INPP4B: variants seen among roughly 807,000 people sequenced by gnomAD.
INPP4B encodes inositol polyphosphate-4-phosphatase type II B.
In INPP4B, 55 loss-of-function variants were observed where a neutral mutation model predicts 122.5. The observed-to-expected ratio is 0.45, with a 90% CI of 0.36 to 0.56. INPP4B has a LOEUF of 0.56. Ranked by LOEUF, INPP4B falls within the 20% of genes least tolerant of loss-of-function variation. The pLI is 0.00. For synonymous variants in INPP4B, 403 were observed against 388.7 expected, an observed-to-expected ratio of 1.04 and a Z score of -0.43; for missense variants, 1,000 against 1,097.7, an observed-to-expected ratio of 0.91 and a Z score of 1.26.
At chr4:142,801,233 G>A (rs1422051303) in intron 1 of INPP4B, among the ~76,000 whole-genome samples, 1 of 152,176 alleles carries the variant, frequency 6.6e-6, no homozygotes, top group African/African-American at 2.4e-5. Flanking sequence ...AGTTCAGACA[G>A]TAGAACAGGG....
rs1239467286 is a variant in INPP4B, at chr4:142,260,517, T to G, written c.663A>C (p.Lys221Asn). 5.0e-6 allele frequency: 8 copies of G among 1,608,450 alleles called. No homozygotes were observed. Among genetic ancestry groups the G allele is most frequent in the Non-Finnish European group, 6.0e-6 (7 of 1,175,810 alleles). ...ECTAPESVSG[K>N]DNLPFLNSVL... The stretch of plus-strand genomic sequence containing the variant: ...CTGAATTCAAAAAAGGTAAGTTATC[T>G]TTTCCGCTCACACTTTCCGGGGCTG... Residue 221 changes from lysine to asparagine, a missense_variant, in exon 11 of 26, where the codon AAA becomes AAC. By Grantham distance (94) the Lys-to-Asn change is moderately conservative. Transcript: ENST00000262992.
At chr4:142,689,838 A>G (rs1170458123) in intron 2 of INPP4B, among the ~76,000 whole-genome samples, 1 of 152,204 alleles carries the variant, frequency 6.6e-6, no homozygotes, top group Non-Finnish European at 1.5e-5. Flanking sequence ...CTTTTTTAAA[A>G]TGAGATTTAT....
At chr4:142,819,870 T>C (rs1265700919) in intron 1 of INPP4B, among the ~76,000 whole-genome samples, 1 of 152,044 alleles carries the variant, frequency 6.6e-6, no homozygotes, top group Admixed American at 6.6e-5. Context: ...ACGTGGCTTA[T>C]GGTGTGTTTC....
intron 2 of INPP4B, among the ~76,000 whole-genome samples, chr4:142,580,407 T>C (rs1734822793): frequency 6.6e-6 from 1 of 152,026 alleles, no homozygotes; most frequent in Admixed American, 6.6e-5. Flanking sequence ...TCTCTCTTTA[T>C]GTTACTTCCT....
At chr4:142,700,624 C>T (rs757344338) in intron 2 of INPP4B, among the ~76,000 whole-genome samples, 35 of 152,064 alleles carry the variant, frequency 2.3e-4, no homozygotes, top group Non-Finnish European at 4.1e-4. Context: ...AGTCATTGTA[C>T]ACTTGCCCAA....
chr4:142,248,482 T>G (rs1349257978), intron 11 of INPP4B, among the ~76,000 whole-genome samples: 1 of 151,552 alleles, frequency 6.6e-6, no homozygotes. Flanking sequence ...GGATTACAGG[T>G]GCCCATTACC....
intron 9 of INPP4B, among the ~76,000 whole-genome samples, chr4:142,297,123 C>G (rs1369138842): frequency 6.6e-6 from 1 of 152,150 alleles, no homozygotes; most frequent in African/African-American, 2.4e-5. Context: ...CCTTTTATTG[C>G]TAAAGTTTTT....
chr4:142,684,012 T>C (rs754274611), intron 2 of INPP4B, among the ~76,000 whole-genome samples: 20 of 151,946 alleles, frequency 1.3e-4, no homozygotes, highest in Admixed American at 1.2e-3. Context: ...GGACTAGCTG[T>C]TATTTGGGGA....
At chr4:142,735,109 G>A (rs1766671531) in intron 1 of INPP4B, among the ~76,000 whole-genome samples, 1 of 152,130 alleles carries the variant, frequency 6.6e-6, no homozygotes, top group Admixed American at 6.5e-5. Flanking sequence ...AACACATTCT[G>A]TTTTTAATAT....
chr4:142,280,309 A>T (rs1402093169), intron 9 of INPP4B, among the ~76,000 whole-genome samples: 8 of 152,000 alleles, frequency 5.3e-5, no homozygotes, highest in Admixed American at 3.3e-4. Flanking sequence ...CCTTTAATGT[A>T]AATGGTTAAA....
chr4:142,072,828 T>G (rs896806709), intron 25 of INPP4B, among the ~76,000 whole-genome samples: 1 of 152,102 alleles, frequency 6.6e-6, no homozygotes, highest in Non-Finnish European at 1.5e-5. Context: ...AATATAAGTT[T>G]GACTTTACCA....
intron 25 of INPP4B, chr4:142,030,343 A>G: frequency 6.6e-7 from 1 of 1,514,662 alleles, no homozygotes; most frequent in Non-Finnish European, 8.9e-7. Flanking sequence ...AGAAAATAGT[A>G]TAGAGTTCAC....
At chr4:142,637,795 C>T (rs1251274286) in intron 2 of INPP4B, among the ~76,000 whole-genome samples, 1 of 152,180 alleles carries the variant, frequency 6.6e-6, no homozygotes, top group Non-Finnish European at 1.5e-5. Context: ...AAAGTGGCTG[C>T]ATAACTTTGC....
chr4:142,582,195 CAA>C (rs397717604), intron 2 of INPP4B, among the ~76,000 whole-genome samples: 6 of 140,958 alleles, frequency 4.3e-5, no homozygotes, highest in South Asian at 2.2e-4. Context: ...CTAATGGATA[CAA>C]AAAAAAAAAA....
chr4:142,545,739 A>ATATGTGTGTATATACACATATG (rs1353062147), intron 2 of INPP4B, among the ~76,000 whole-genome samples: 14 of 112,730 alleles, frequency 1.2e-4, no homozygotes, highest in Admixed American at 2.7e-4. Flanking sequence ...ATACACATAT[A>ATATGTGTGTATATACACATATG]TGTGTATATA....
At chr4:142,175,623 G>GA (rs5862575) in intron 15 of INPP4B, among the ~76,000 whole-genome samples, 101,777 of 150,024 alleles carry the variant, frequency 0.68, 37,907 homozygotes, top group Non-Finnish European at 0.83. Context: ...TAAAGTAAAT[G>GA]AAAAAAAAAA....
At chr4:142,164,795 C>T (rs1479847718) in intron 16 of INPP4B, among the ~76,000 whole-genome samples, 1 of 151,440 alleles carries the variant, frequency 6.6e-6, no homozygotes, top group Non-Finnish European at 1.5e-5. Context: ...CACTATGTTG[C>T]CTGAGACCTT....
intron 2 of INPP4B, among the ~76,000 whole-genome samples, chr4:142,716,590 C>T (rs1356667022): frequency 6.6e-6 from 1 of 152,164 alleles, no homozygotes; most frequent in Non-Finnish European, 1.5e-5. Flanking sequence ...CATGTTATGG[C>T]TATGAATAAT....
intron 2 of INPP4B, among the ~76,000 whole-genome samples, chr4:142,675,406 T>A (rs1757605446): frequency 1.3e-5 from 2 of 152,068 alleles, no homozygotes. Context: ...TTACATCTGA[T>A]TTCTACCACA....
Sources: gnomAD v4.1 joint callset for allele counts (sites outside exome capture counted in the v4.1 genomes callset) on GRCh38, gnomAD v4.1.1 for gene constraint, MANE v1.5 for transcripts, NCBI Gene and HGNC (gene_info 2026-07-23, HGNC 2026-07-21) for gene names.